The following GNG7 variants were observed in gnomAD, a reference collection of about 807,000 sequenced individuals.
GNG7 encodes G protein subunit gamma 7.
A neutral mutation model predicts 4.0 loss-of-function variants in GNG7; 1 was observed. That is an observed-to-expected ratio of 0.25 (90% CI 0.09 to 1.18). The LOEUF (loss-of-function observed/expected upper bound fraction) is 1.18, where lower values mean the gene tolerates loss of function less well. GNG7 is among the 50% of genes most tolerant of loss of function. The pLI is 0.50. For synonymous variants in GNG7, 34 were observed against 36.9 expected (o/e 0.92, Z 0.29); for missense variants, 86 against 91.9 (o/e 0.94, Z 0.26).
At chr19:2,540,612 G>C (rs1385831246) in intron 3 of GNG7, among the ~76,000 whole-genome samples, 1 of 152,216 alleles carries the variant, frequency 6.6e-6, no homozygotes, top group Non-Finnish European at 1.5e-5. Flanking sequence ...GGTGGTTGGA[G>C]ATTTTGCGGG....
chr19:2,655,638 A>C (rs1207003070), intron 1 of GNG7, among the ~76,000 whole-genome samples: 1 of 151,880 alleles, frequency 6.6e-6, no homozygotes, highest in Non-Finnish European at 1.5e-5. Context: ...GGAGATGGAG[A>C]CCATCCTGGC....
In GNG7 at chr19:2,618,342, GGTGTGTGTGTGT is replaced by G. The variant is rs35982775; in HGVS notation, c.-78+27870_-78+27881del. Among the ~76,000 whole-genome samples, 2 of 146,498 alleles carry G rather than the reference GGTGTGTGTGTGT, an allele frequency of 1.4e-5. No homozygotes were observed. The highest frequency in any genetic ancestry group is 2.0e-4 in the East Asian group (1 of 4,938). ...TTCTCTTTTCTACCTGTATGTGTGT[GGTGTGTGTGTGT>G]GTGTGTGTGTGTGTGTGTGTATCTC... On this transcript the variant is annotated intron_variant, in intron 2 of 4. Coordinates refer to ENST00000382159, the MANE Select transcript of GNG7 (RefSeq NM_052847.3). This position sits in a 1 kb window ranked among gnomAD's most constrained non-coding sequence, Gnocchi z 5.1.
intron 2 of GNG7, among the ~76,000 whole-genome samples, chr19:2,594,578 CCTT>C (rs1255921415): frequency 6.6e-6 from 1 of 152,078 alleles, no homozygotes; most frequent in Non-Finnish European, 1.5e-5. Flanking sequence ...AACATTCTGC[CCTT>C]CTTCTGTTCT....
Position 2,653,381 on chromosome 19 carries a change from T to C in GNG7, c.-134-7101A>G, listed in dbSNP as rs1283155896. ...AGATGAGGGATCGATCTGAGTCCCATGATCCTCGGCCCTGCTGAGGTCCCA... is the reference window on the plus strand; with the variant it reads ...AGATGAGGGATCGATCTGAGTCCCACGATCCTCGGCCCTGCTGAGGTCCCA... On this transcript the variant is annotated intron_variant, in intron 1 of 4. Transcript: ENST00000382159. This position sits in a 1 kb window ranked among gnomAD's most constrained non-coding sequence, Gnocchi z 4.8. Among the ~76,000 whole-genome samples, 1 of 152,114 alleles carries C rather than the reference T, an allele frequency of 6.6e-6. No homozygotes were observed. The highest frequency in any genetic ancestry group is 1.5e-5 in the Non-Finnish European group (1 of 68,022).
chr19:2,671,877 T>C (rs1051981949), intron 1 of GNG7, among the ~76,000 whole-genome samples: 2 of 151,534 alleles, frequency 1.3e-5, no homozygotes, highest in Non-Finnish European at 2.9e-5. Context: ...CAGTGAAACC[T>C]CGTCTCTACT....
intron 2 of GNG7, among the ~76,000 whole-genome samples, chr19:2,636,148 G>A (rs1049263765): frequency 7.9e-5 from 12 of 152,292 alleles, no homozygotes; most frequent in African/African-American, 2.6e-4. Context: ...AACTCCCAAA[G>A]GGGCAGACAG....
intron 1 of GNG7, among the ~76,000 whole-genome samples, chr19:2,661,249 G>GAAAGAAAGAAAGAAAGA (rs1983139205): frequency 7.4e-5 from 2 of 26,994 alleles, no homozygotes; most frequent in Non-Finnish European, 1.4e-4. Flanking sequence ...AGAAAGAAAA[G>GAAAGAAAGAAAGAAAGA]AAAGAAAGAA....
chr19:2,561,603 C>T (rs1258832531), intron 2 of GNG7, among the ~76,000 whole-genome samples: 4 of 151,896 alleles, frequency 2.6e-5, no homozygotes, highest in South Asian at 2.1e-4. Flanking sequence ...GTTGGCCGGG[C>T]GCAGTGGCTC....
At chr19:2,693,989 C>T (rs759256906) in intron 1 of GNG7, among the ~76,000 whole-genome samples, 8 of 152,024 alleles carry the variant, frequency 5.3e-5, no homozygotes, top group African/African-American at 7.3e-5. Flanking sequence ...GTGTTGTGAA[C>T]GTTAATAAAT....
rs530484827 is a variant in GNG7 at position 2,636,631 on chromosome 19, C to T, written c.-78+9593G>A. Among the ~76,000 whole-genome samples the T allele has an allele frequency of 4.7e-4, 72 of 152,272 alleles. 1 individual carries two copies. Among genetic ancestry groups the T allele is most frequent in the African/African-American group, 1.7e-3 (71 of 41,556 alleles). Reference sequence around the variant, plus strand: ...CCACTCCTGGGGAGCAGAGCCAGTGCCTCCCGCCTCCTGCCACGCACAACA... The same window carrying T: ...CCACTCCTGGGGAGCAGAGCCAGTGTCTCCCGCCTCCTGCCACGCACAACA... On this transcript the variant is annotated intron_variant, in intron 2 of 4. Coordinates refer to ENST00000382159, the MANE Select transcript of GNG7 (RefSeq NM_052847.3).
intron 3 of GNG7, among the ~76,000 whole-genome samples, chr19:2,523,520 TC>T (rs1215062450): frequency 6.6e-6 from 1 of 152,118 alleles, no homozygotes; most frequent in African/African-American, 2.4e-5. Context: ...AGACCCCATC[TC>T]TGAATAAATA....
At chr19:2,623,864 G>A (rs527947271) in intron 2 of GNG7, among the ~76,000 whole-genome samples, 3 of 152,326 alleles carry the variant, frequency 2.0e-5, no homozygotes, top group African/African-American at 7.2e-5. Flanking sequence ...CTGGGCCACA[G>A]AGCGAGACTG....
intron 1 of GNG7, among the ~76,000 whole-genome samples, chr19:2,665,506 G>A (rs527498526): frequency 2.0e-5 from 3 of 152,318 alleles, no homozygotes; most frequent in South Asian, 4.1e-4. Context: ...AAATGAGAAC[G>A]AACGGATTTC....
intron 2 of GNG7, among the ~76,000 whole-genome samples, chr19:2,586,250 C>T (rs896760330): frequency 5.9e-5 from 9 of 152,214 alleles, no homozygotes; most frequent in African/African-American, 1.7e-4. Flanking sequence ...CCCCACCCTC[C>T]AGCTTTGCCC....
intron 1 of GNG7, among the ~76,000 whole-genome samples, 192 bp downstream of exon 1, chr19:2,702,454 C>T (rs1913430234): frequency 6.6e-6 from 1 of 150,388 alleles, no homozygotes; most frequent in Admixed American, 6.6e-5. Context: ...ACTTCGACCC[C>T]CTAAGCGCAG....
In GNG7 at chr19:2,571,688, C is replaced by T. The variant is rs147771124; in HGVS notation, c.-77-16500G>A. ...TCGGCTCACTGCAACCTCTGCCTCC[C>T]GGGGTTAAGTGATCCTCCTGCCTCA... On this transcript the variant is annotated intron_variant, in intron 2 of 4. Transcript: ENST00000382159. Among the ~76,000 whole-genome samples, 440 of 149,186 alleles carry T rather than the reference C, an allele frequency of 2.9e-3. 3 individuals are homozygous for T. The highest frequency in any genetic ancestry group is 0.01 in the African/African-American group (410 of 39,968).
At chr19:2,586,563 G>C (rs1980678852) in intron 2 of GNG7, among the ~76,000 whole-genome samples, 1 of 152,194 alleles carries the variant, frequency 6.6e-6, no homozygotes. Context: ...CTCTGGAAAT[G>C]AGGGCAAATC....
chr19:2,554,559 A>ATATATATT (rs1196558078), intron 3 of GNG7, among the ~76,000 whole-genome samples: 2 of 130,116 alleles, frequency 1.5e-5, no homozygotes, highest in African/African-American at 5.6e-5. Flanking sequence ...ATATATATAT[A>ATATATATT]TTTTTTTTTT....
rs529339667 is a variant in GNG7 at position 2,599,936 on chromosome 19, C to CA, written c.-77-44749dup. 6.8e-3 allele frequency among the ~76,000 whole-genome samples: 764 copies of CA among 111,962 alleles called. 1 individual carries two copies. Among genetic ancestry groups the CA allele is most frequent in the Middle Eastern group, 0.015 (3 of 194 alleles). The allele number at this position is 111,962 out of a possible 152,430, so 73.5% of individuals were successfully genotyped here. A position where few individuals can be genotyped will look rare whatever the true frequency, so the allele number is the denominator to read the frequency against. ...TGGGCAACAGAGCAAGACTCCATCTCAAAAAAAAAAAAAAATTAGATTGTG... is the reference window on the plus strand; with the variant it reads ...TGGGCAACAGAGCAAGACTCCATCTCAAAAAAAAAAAAAAAATTAGATTGTG... On this transcript the variant is annotated intron_variant, in intron 2 of 4. Coordinates refer to ENST00000382159, the MANE Select transcript of GNG7 (RefSeq NM_052847.3).
Sources: gnomAD v4.1 joint callset for allele counts (sites outside exome capture counted in the v4.1 genomes callset) on GRCh38, gnomAD v4.1.1 for gene constraint, Gnocchi (gnomAD v3.1) non-coding constraint, MANE v1.5 for transcripts, NCBI Gene and HGNC (gene_info 2026-07-23, HGNC 2026-07-21) for gene names.